The following STRN3 variants were observed in gnomAD, a reference collection of about 807,000 sequenced individuals.
STRN3 encodes striatin 3.
In STRN3, 29 loss-of-function variants were observed where a neutral mutation model predicts 95.6. The observed-to-expected ratio is 0.30, with a 90% CI of 0.23 to 0.41. The LOEUF (loss-of-function observed/expected upper bound fraction) is 0.41, where lower values mean the gene tolerates loss of function less well. Ranked by LOEUF, STRN3 falls within the 10% of genes least tolerant of loss-of-function variation. The probability of loss-of-function intolerance (pLI) is 1.00; values close to 1 mark genes in which losing one functional copy is unlikely to be tolerated. For missense variants in STRN3, 890 were observed against 972.1 expected, an observed-to-expected ratio of 0.92 and a Z score of 1.12; for synonymous variants, 331 against 357.6, an observed-to-expected ratio of 0.93 and a Z score of 0.84.
intron 3 of STRN3, among the ~76,000 whole-genome samples, chr14:30,951,314 C>A (rs542484248): frequency 3.0e-4 from 46 of 152,198 alleles, no homozygotes; most frequent in Admixed American, 1.4e-3. Context: ...CGATTCACTG[C>A]AGTCTCGACT....
chr14:30,918,313 C>T (rs1326968123), intron 9 of STRN3, among the ~76,000 whole-genome samples: 1 of 152,020 alleles, frequency 6.6e-6, no homozygotes, highest in African/African-American at 2.4e-5. Context: ...TCGAGACCAG[C>T]CTGGCCAACA....
intron 13 of STRN3, among the ~76,000 whole-genome samples, chr14:30,908,116 G>T (rs752815983): frequency 1.3e-4 from 20 of 151,924 alleles, no homozygotes; most frequent in Non-Finnish European, 2.5e-4. Context: ...CCTATCAAAG[G>T]CTAATACCAG....
At chr14:30,918,757 A>C (rs1221076618) in intron 9 of STRN3, among the ~76,000 whole-genome samples, 1 of 152,204 alleles carries the variant, frequency 6.6e-6, no homozygotes, top group Non-Finnish European at 1.5e-5. Flanking sequence ...AACTCCTCAC[A>C]TTAAAAACAA....
chr14:30,896,498 T>G (rs981960115), intron 16 of STRN3, among the ~76,000 whole-genome samples: 3 of 134,584 alleles, frequency 2.2e-5, no homozygotes, highest in Non-Finnish European at 4.6e-5. Context: ...GGCAACATAG[T>G]GAAATGCTGT....
At chr14:30,917,013 T>A (rs9322865) in intron 9 of STRN3, among the ~76,000 whole-genome samples, 98,461 of 151,880 alleles carry the variant, frequency 0.65, 32,532 homozygotes, top group Non-Finnish European at 0.72. Context: ...ATGTTGAAGT[T>A]CCACTCCTAG....
In STRN3 at chr14:31,026,141, C is replaced by G. The variant is rs767068951; in HGVS notation, c.45G>C (p.Ala15=). The G allele has an allele frequency of 1.1e-4, 170 of 1,491,098 alleles. No individual in the cohort carries two copies. Among genetic ancestry groups the G allele is most frequent in the Non-Finnish European group, 5.9e-5 (66 of 1,127,272 alleles). The allele number at this position is 1,491,098 out of a possible 1,614,324, so 92.4% of individuals were successfully genotyped here. A position where few individuals can be genotyped will look rare whatever the true frequency, so the allele number is the denominator to read the frequency against. ...GTCCCTGCTGCTGCCGGGGAGGGGC[C>G]GCCATCCCCGGGCCGCCACCACCGC... is the stretch of plus-strand genomic sequence containing the variant. ...AGGGGGGPGM[A]APPRQQQGPG... Residue 15 remains alanine, a synonymous_variant, in exon 1 of 18, where the codon GCG becomes GCC. Coordinates refer to ENST00000357479, the MANE Select transcript of STRN3 (RefSeq NM_001083893.2).
intron 7 of STRN3, among the ~76,000 whole-genome samples, chr14:30,933,253 T>C (rs1402556050): frequency 3.6e-5 from 4 of 110,088 alleles, no homozygotes; most frequent in African/African-American, 1.4e-4. Context: ...CACCCCAGCC[T>C]GGGCAATAAA....
chr14:30,969,395 CCA>C (rs1566465224), intron 1 of STRN3, among the ~76,000 whole-genome samples: 1 of 152,152 alleles, frequency 6.6e-6, no homozygotes, highest in African/African-American at 2.4e-5. Flanking sequence ...TGAGATCGCG[CCA>C]CTGCACTCCA....
intron 13 of STRN3, among the ~76,000 whole-genome samples, chr14:30,909,386 A>C (rs996920566): frequency 4.7e-5 from 2 of 42,560 alleles, no homozygotes; most frequent in African/African-American, 1.9e-4. Context: ...CTGTGGTCCC[A>C]GCTCCTCAGC....
In STRN3 at chr14:31,012,325, G is replaced by T. The variant is rs375495170; in HGVS notation, c.282+13579C>A. On this transcript the variant is annotated intron_variant, in intron 1 of 17. Coordinates refer to ENST00000357479, the MANE Select transcript of STRN3 (RefSeq NM_001083893.2). ...CAAGCCCCAGTTAACAGCTTTCAAA[G>T]CAAAAACATCCTAAGTTCAGATTTA... Among the ~76,000 whole-genome samples the T allele has an allele frequency of 2.0e-4, 31 of 152,226 alleles. No homozygotes were observed. In the South Asian group the frequency reaches 5.8e-3, roughly 29 times the overall value.
chr14:30,898,395 A>G (rs947548785), intron 16 of STRN3, among the ~76,000 whole-genome samples: 1 of 152,142 alleles, frequency 6.6e-6, no homozygotes, highest in African/African-American at 2.4e-5. Context: ...AGAGCTACAC[A>G]TTTCTTTAAG....
chr14:30,973,529 G>A (rs1271200226), intron 1 of STRN3, among the ~76,000 whole-genome samples: 1 of 152,100 alleles, frequency 6.6e-6, no homozygotes, highest in Non-Finnish European at 1.5e-5. Context: ...AGCTTCACTG[G>A]TGAATTCCAC....
At chr14:31,002,507 G>A (rs1199071162) in intron 1 of STRN3, among the ~76,000 whole-genome samples, 1 of 150,384 alleles carries the variant, frequency 6.6e-6, no homozygotes, top group Non-Finnish European at 1.5e-5. Context: ...GCTGGTCACA[G>A]TGGCGGGCGC....
chr14:30,925,132 A>G (rs1178491411), intron 8 of STRN3, among the ~76,000 whole-genome samples: 1 of 149,026 alleles, frequency 6.7e-6, no homozygotes, highest in Non-Finnish European at 1.5e-5. Flanking sequence ...TCTCAATTAT[A>G]TTGTATATCT....
chr14:30,931,017 G>T (rs1878509282), intron 7 of STRN3, among the ~76,000 whole-genome samples: 1 of 152,048 alleles, frequency 6.6e-6, no homozygotes, highest in Non-Finnish European at 1.5e-5. Flanking sequence ...TTTTCTAAAA[G>T]ACCTGTGTAG....
chr14:30,990,166 C>CTT (rs34799735), intron 1 of STRN3, among the ~76,000 whole-genome samples: 3 of 142,940 alleles, frequency 2.1e-5, no homozygotes, highest in Non-Finnish European at 4.6e-5. Context: ...GGCACTATGA[C>CTT]TTTTTTTTTT....
chr14:30,970,194 A>T (rs1026343635), intron 1 of STRN3, among the ~76,000 whole-genome samples: 2 of 152,208 alleles, frequency 1.3e-5, no homozygotes, highest in Non-Finnish European at 2.9e-5. Context: ...TTGCCAAGTC[A>T]AAGACAGCTC....
intron 1 of STRN3, among the ~76,000 whole-genome samples, chr14:31,000,011 G>C (rs1361845522): frequency 6.6e-6 from 1 of 152,158 alleles, no homozygotes; most frequent in Non-Finnish European, 1.5e-5. Flanking sequence ...TGAAAGAAAA[G>C]AGATTGTCTA....
chr14:30,929,079 G>A (rs557615766), intron 8 of STRN3, 122 bp downstream of exon 8: 137 of 676,986 alleles, frequency 2.0e-4, no homozygotes, highest in Non-Finnish European at 1.6e-4. Flanking sequence ...AACAGACAAA[G>A]TTTAAAGTTA....
Sources: gnomAD v4.1 joint callset for allele counts (sites outside exome capture counted in the v4.1 genomes callset) on GRCh38, gnomAD v4.1.1 for gene constraint, MANE v1.5 for transcripts, NCBI Gene and HGNC (gene_info 2026-07-23, HGNC 2026-07-21) for gene names.